Variants in AHRR observed in about 807,000 individuals in gnomAD.
The protein encoded by AHRR is ahR repressor.
A neutral mutation model predicts 44.0 loss-of-function variants in AHRR; 28 were observed. That is an observed-to-expected ratio of 0.64 (90% CI 0.47 to 0.87). The LOEUF (loss-of-function observed/expected upper bound fraction) is 0.87, where lower values mean the gene tolerates loss of function less well. Ranked by LOEUF, AHRR falls within the 40% of genes least tolerant of loss-of-function variation. AHRR has a pLI of 0.00. For missense variants in AHRR, 990 were observed against 953.9 expected, an observed-to-expected ratio of 1.04 and a Z score of -0.50; for synonymous variants, 434 against 407.0, an observed-to-expected ratio of 1.07 and a Z score of -0.80.
chr5:413,742 C>G (rs1007209332), intron 5 of AHRR, among the ~76,000 whole-genome samples: 1 of 152,210 alleles, frequency 6.6e-6, no homozygotes. Flanking sequence ...CCCACCAGCA[C>G]CATCCCATTC....
chr5:348,193 A>C (rs1205811819), intron 2 of AHRR, among the ~76,000 whole-genome samples: 2 of 152,138 alleles, frequency 1.3e-5, no homozygotes, highest in Non-Finnish European at 2.9e-5. Flanking sequence ...CTGAATCCAC[A>C]GTGCTCTCCC....
chr5:418,289 C>A (rs1327100090), intron 5 of AHRR, among the ~76,000 whole-genome samples: 1 of 152,198 alleles, frequency 6.6e-6, no homozygotes, highest in African/African-American at 2.4e-5. Flanking sequence ...CCATTTCTCC[C>A]ACCATGTCTC....
chr5:376,557 A>AACGCGGGAAACACAGGAAAGAT, intron 3 of AHRR, 53 bp from the exon 4 acceptor site: 1 of 1,423,184 alleles, frequency 7.0e-7, no homozygotes, highest in Non-Finnish European at 9.5e-7. Context: ...AATGAAGAAG[A>AACGCGGGAAACACAGGAAAGAT]GTGGCCAGGC....
chr5:340,664 TTATATATATA>T lies in AHRR; in HGVS notation c.-10-3213_-10-3204del, dbSNP rs201426173. 1.9e-3 allele frequency among the ~76,000 whole-genome samples: 61 copies of T among 31,958 alleles called. 4 individuals are homozygous for T. Among genetic ancestry groups the T allele is most frequent in the African/African-American group, 0.013 (58 of 4,528 alleles). The allele number at this position is 31,958 out of a possible 152,430, so 21.0% of individuals were successfully genotyped here. On this transcript the variant is annotated intron_variant, in intron 1 of 10. Coordinates refer to ENST00000684583, the MANE Select transcript of AHRR (RefSeq NM_001377236.1). ...GGACGCAATTATGTTCACAGCAATATTATATATATATATATATATATATATTTTTTTTTTT... is the reference window on the plus strand; with the variant it reads ...GGACGCAATTATGTTCACAGCAATATTATATATATATATATTTTTTTTTTT...
At chr5:418,724 C>T (rs72711368) in intron 5 of AHRR, 47,194 of 152,230 alleles carry the variant, frequency 0.31, 7,677 homozygotes, top group Non-Finnish European at 0.36. Flanking sequence ...GCTGCTCTGG[C>T]GCAGGAGGCG....
At chr5:345,984 A>C (rs992095562) in intron 2 of AHRR, among the ~76,000 whole-genome samples, 1 of 152,196 alleles carries the variant, frequency 6.6e-6, no homozygotes, top group Non-Finnish European at 1.5e-5. Context: ...CTCTCTGTGC[A>C]TCGAACACCA....
intron 5 of AHRR, among the ~76,000 whole-genome samples, chr5:415,371 TCGGGTGGGAGGCCTA>T (rs1735695942): frequency 7.2e-6 from 1 of 138,680 alleles, no homozygotes; most frequent in Admixed American, 7.3e-5. Flanking sequence ...GTCTCCCTGG[TCGGGTGGGAGGCCTA>T]GGGGCCGAGT....
chr5:324,464 A>T, intron 1 of AHRR, among the ~76,000 whole-genome samples: 1 of 148,370 alleles, frequency 6.7e-6, no homozygotes, highest in African/African-American at 2.5e-5. Context: ...AAAAAAATTA[A>T]AAAAAAAAAG....
chr5:336,164 T>A (rs574824438), intron 1 of AHRR, among the ~76,000 whole-genome samples: 1 of 152,338 alleles, frequency 6.6e-6, no homozygotes, highest in African/African-American at 2.4e-5. Flanking sequence ...CTAAATCCGA[T>A]GCAGATTTAG....
chr5:405,741 C>G lies in AHRR; in HGVS notation c.352-7603C>G, dbSNP rs1683592012. On this transcript the variant is annotated intron_variant, in intron 4 of 10. Coordinates refer to ENST00000684583, the MANE Select transcript of AHRR (RefSeq NM_001377236.1). This position sits in a 1 kb window ranked among gnomAD's most constrained non-coding sequence, Gnocchi z 4.5. ...TCTCTCCATCGGTCGTAACATCTTA[C>G]TGCTCCCCTCGCAGACTGTTGAGTT... Among the ~76,000 whole-genome samples, 1 of 152,272 alleles carries G rather than the reference C, an allele frequency of 6.6e-6. No individual in the cohort carries two copies. Among genetic ancestry groups the G allele is most frequent in the African/African-American group, 2.4e-5 (1 of 41,474 alleles).
intron 10 of AHRR, among the ~76,000 whole-genome samples, chr5:433,250 G>A (rs545420815): frequency 2.1e-4 from 32 of 152,126 alleles, no homozygotes; most frequent in Non-Finnish European, 3.4e-4. Context: ...TGGGTCACCC[G>A]GCTCCAACCT....
rs1303300297 is a variant in AHRR at position 415,437 on chromosome 5, GGTCGGGCGGGAGGCCTAGGGGCCGA to G, written c.441+2008_441+2032del. Among the ~76,000 whole-genome samples the G allele has an allele frequency of 2.5e-3, 315 of 127,576 alleles. 13 individuals are homozygous for G. Among genetic ancestry groups the G allele is most frequent in the Middle Eastern group, 4.0e-3 (1 of 248 alleles). 83.7% of individuals were successfully genotyped at this position (127,576 alleles called of 152,430 possible). A position where few individuals can be genotyped will look rare whatever the true frequency, so the allele number is the denominator to read the frequency against. ...GGAGGCCTAGGGGCCGAATCTGCCT[GGTCGGGCGGGAGGCCTAGGGGCCGA>G]GTCTGCCTGGTCGGGTGGGAGGCCT... On this transcript the variant is annotated intron_variant, in intron 5 of 10. Coordinates refer to ENST00000684583, the MANE Select transcript of AHRR (RefSeq NM_001377236.1).
chr5:391,372 A>ACGGGGGCAGGGCGAGGCGGC (rs1560904203), intron 4 of AHRR, among the ~76,000 whole-genome samples: 1 of 109,944 alleles, frequency 9.1e-6, no homozygotes, highest in Admixed American at 8.8e-5. Context: ...CAGAGCGTGC[A>ACGGGGGCAGGGCGAGGCGGC]TGGGCGCAGG....
chr5:393,132 A>C (rs2126477727), intron 4 of AHRR, among the ~76,000 whole-genome samples: 1 of 152,038 alleles, frequency 6.6e-6, no homozygotes, highest in Admixed American at 6.5e-5. Context: ...TTTTGTTCTC[A>C]TGGGGATGCC....
intron 4 of AHRR, among the ~76,000 whole-genome samples, chr5:403,462 G>A (rs6870149): frequency 0.19 from 28,810 of 151,870 alleles, 3,568 homozygotes; most frequent in Non-Finnish European, 0.27. Context: ...ATGGTGAAAC[G>A]CTGTCTCTAC....
intron 8 of AHRR, among the ~76,000 whole-genome samples, chr5:431,274 C>T (rs114473089): frequency 6.6e-6 from 1 of 152,220 alleles, no homozygotes; most frequent in African/African-American, 2.4e-5. Flanking sequence ...TGGACGAGAC[C>T]CCCTGTGGGG....
At chr5:394,274 A>G (rs2019887) in intron 4 of AHRR, among the ~76,000 whole-genome samples, 9,655 of 74,124 alleles carry the variant, frequency 0.13, 1,323 homozygotes, top group African/African-American at 0.38. Flanking sequence ...GTGTGCTGGA[A>G]CCCTCTTGTC....
In AHRR at chr5:434,791, C is replaced by G; in HGVS notation, c.2051C>G (p.Thr684Arg). ...ATGTTGCCCAAAAGTGCCTTGGCCA[C>G]GCTGGTCCCGCCCCAAGCTTCGGGG... is the stretch of plus-strand genomic sequence containing the variant. ...PGMLPKSALA[T>R]LVPPQASGCT... is the part of the protein sequence containing the mutation. The change falls in exon 11 of 11, where the codon ACG (threonine) becomes AGG (arginine). Residue 684 changes from threonine to arginine, a missense_variant. By Grantham distance (71) the Thr-to-Arg change is moderately conservative. Coordinates refer to ENST00000684583, the MANE Select transcript of AHRR (RefSeq NM_001377236.1). The G allele has an allele frequency of 6.4e-7, 1 of 1,553,892 alleles. No individual in the cohort carries two copies. Among genetic ancestry groups the G allele is most frequent in the Non-Finnish European group, 8.7e-7 (1 of 1,148,542 alleles).
intron 1 of AHRR, among the ~76,000 whole-genome samples, chr5:335,080 A>G (rs950177735): frequency 1.3e-5 from 2 of 151,982 alleles, no homozygotes; most frequent in African/African-American, 4.8e-5. Context: ...CTTCAGTGGT[A>G]GCAGCTGTGG....
Sources: allele counts gnomAD v4.1 joint callset (sites outside exome capture counted in the v4.1 genomes callset), GRCh38; gene constraint gnomAD v4.1.1; non-coding constraint Gnocchi (gnomAD v3.1); transcripts MANE v1.5; gene names NCBI Gene and HGNC (gene_info 2026-07-23, HGNC 2026-07-21).